The following SMAD2 variants were observed in gnomAD, a reference collection of about 807,000 sequenced individuals.
SMAD2 encodes the protein MAD homolog 2.
In SMAD2, 8 loss-of-function variants were observed where a neutral mutation model predicts 64.4. The ratio of observed to expected loss-of-function variants is 0.12; its 90% CI spans 0.07 to 0.22. The LOEUF is 0.22. Among genes scored for constraint, SMAD2 ranks in the 10% least tolerant of loss-of-function variants. The pLI is 1.00. For missense variants in SMAD2, 289 were observed against 561.2 expected (o/e 0.51, Z 4.90); for synonymous variants, 203 against 195.8 (o/e 1.04, Z -0.31).
At chr18:47,927,227 G>C (rs142434533) in intron 1 of SMAD2, among the ~76,000 whole-genome samples, 1 of 152,174 alleles carries the variant, frequency 6.6e-6, no homozygotes, top group African/African-American at 2.4e-5. Flanking sequence ...ACATGTTTCT[G>C]AAAGACTGGC....
rs1287748398 is a variant in SMAD2 at position 47,832,422 on chromosome 18, A to G, written c.*9405T>C. On this transcript the variant is annotated 3_prime_UTR_variant, in exon 11 of 11. Coordinates refer to ENST00000262160, the MANE Select transcript of SMAD2 (RefSeq NM_005901.6). ...TTTCTTGGGTTTCTTCCTAATAAAA[A>G]AGTGTTGATAAAACTACACCAGTCC... 3 of 152,196 alleles carry G rather than the reference A, an allele frequency of 2.0e-5. No homozygotes were observed. The highest frequency in any genetic ancestry group is 7.2e-5 in the African/African-American group (3 of 41,452). 9.4% of individuals were successfully genotyped at this position (152,196 alleles called of 1,614,324 possible). A position where few individuals can be genotyped will look rare whatever the true frequency, so the allele number is the denominator to read the frequency against.
intron 1 of SMAD2, among the ~76,000 whole-genome samples, chr18:47,921,123 C>G (rs1326182809): frequency 6.6e-6 from 1 of 152,168 alleles, no homozygotes; most frequent in Non-Finnish European, 1.5e-5. Flanking sequence ...CACCACTGCA[C>G]TCCAGCCTGG....
chr18:47,854,021 G>A (rs2030414714), intron 6 of SMAD2, among the ~76,000 whole-genome samples: 1 of 151,298 alleles, frequency 6.6e-6, no homozygotes, highest in Non-Finnish European at 1.5e-5. Flanking sequence ...TGACAGGTTA[G>A]AATTACAGAT....
chr18:47,890,589 A>G (rs1307723869), intron 2 of SMAD2, among the ~76,000 whole-genome samples: 1 of 152,212 alleles, frequency 6.6e-6, no homozygotes, highest in Non-Finnish European at 1.5e-5. Flanking sequence ...CTGTGAAAGT[A>G]CTCAGATAGC....
chr18:47,865,042 A>G lies in SMAD2; in HGVS notation c.730+17T>C. The G allele has an allele frequency of 6.7e-7, 1 of 1,487,290 alleles. No individual in the cohort carries two copies. The highest frequency in any genetic ancestry group is 9.4e-7 in the Non-Finnish European group (1 of 1,066,538). 92.1% of individuals were successfully genotyped at this position (1,487,290 alleles called of 1,614,324 possible). A position where few individuals can be genotyped will look rare whatever the true frequency, so the allele number is the denominator to read the frequency against. On this transcript the variant is annotated intron_variant, in intron 6 of 10. Coordinates refer to ENST00000262160, the MANE Select transcript of SMAD2 (RefSeq NM_005901.6). ...TATATCTAATAACTGAGGAATTTTCAAAGACATTTTTTTTACCTGTGTCCA... is the reference window on the plus strand; with the variant it reads ...TATATCTAATAACTGAGGAATTTTCGAAGACATTTTTTTTACCTGTGTCCA...
chr18:47,886,570 C>CATCTATCTATCTATCTATCTATCT (rs5824712), intron 2 of SMAD2, among the ~76,000 whole-genome samples: 2 of 146,704 alleles, frequency 1.4e-5, no homozygotes, highest in African/African-American at 2.6e-5. Flanking sequence ...TATATCTATC[C>CATCTATCTATCTATCTATCTATCT]ATCTATCTAT....
chr18:47,917,641 GAGAGTTATTGGTAAAAA>G (rs2034388509), intron 1 of SMAD2, among the ~76,000 whole-genome samples: 1 of 151,856 alleles, frequency 6.6e-6, no homozygotes, highest in Non-Finnish European at 1.5e-5. Flanking sequence ...AATTCTTTTG[GAGAGTTATTGGTAAAAA>G]AATTTTTAAT....
chr18:47,892,208 T>C (rs56373724), intron 2 of SMAD2, among the ~76,000 whole-genome samples: 26 of 83,374 alleles, frequency 3.1e-4, no homozygotes, highest in Admixed American at 1.8e-3. Context: ...ATTTTTTTTT[T>C]TTTTTTTTTT....
At chr18:47,878,445 A>G (rs1225892387) in intron 2 of SMAD2, 4 of 152,198 alleles carry the variant, frequency 2.6e-5, no homozygotes, top group Non-Finnish European at 5.9e-5. Flanking sequence ...CCTGTGCAAC[A>G]AAGTGAGACC....
intron 1 of SMAD2, among the ~76,000 whole-genome samples, chr18:47,908,489 G>A (rs1279885206): frequency 6.6e-6 from 1 of 151,638 alleles, no homozygotes; most frequent in Non-Finnish European, 1.5e-5. Context: ...TAAGAAAAAG[G>A]TATGTTATAA....
chr18:47,914,088 T>C (rs568423036), intron 1 of SMAD2, among the ~76,000 whole-genome samples: 2 of 152,226 alleles, frequency 1.3e-5, no homozygotes, highest in African/African-American at 2.4e-5. Flanking sequence ...GTTTGACAAA[T>C]AGCATTCTCT....
chr18:47,888,219 A>AT (rs1012377318), intron 2 of SMAD2, among the ~76,000 whole-genome samples: 6 of 152,206 alleles, frequency 3.9e-5, no homozygotes, highest in Non-Finnish European at 8.8e-5. Flanking sequence ...AACTTGCTCA[A>AT]AAGACAATGG....
rs115382647 is a variant in SMAD2, at chr18:47,887,646, T to C, written c.236+8875A>G. 6.8e-4 allele frequency among the ~76,000 whole-genome samples: 103 copies of C among 152,324 alleles called. 1 individual carries two copies. Among genetic ancestry groups the C allele is most frequent in the Admixed American group, 1.8e-3 (27 of 15,302 alleles). ...GTCCATGGGGGTAATTCTTCCACCT[T>C]TGACCCATCAAACTCTGACAAAGTG... On this transcript the variant is annotated intron_variant, in intron 2 of 10. Coordinates refer to ENST00000262160, the MANE Select transcript of SMAD2 (RefSeq NM_005901.6).
chr18:47,921,636 C>CT (rs552687601), intron 1 of SMAD2, among the ~76,000 whole-genome samples: 5 of 152,134 alleles, frequency 3.3e-5, no homozygotes, highest in Non-Finnish European at 7.4e-5. Context: ...TACCAGAACA[C>CT]TTTTCATTTT....
chr18:47,855,509 C>A (rs1379675776), intron 6 of SMAD2, among the ~76,000 whole-genome samples: 5 of 152,198 alleles, frequency 3.3e-5, no homozygotes, highest in African/African-American at 1.2e-4. Context: ...TGCTCCCCAT[C>A]CTCACCACAC....
Position 47,850,247 on chromosome 18 carries a change from TATATATATTATGTATA to T in SMAD2, c.784+1011_784+1026del, listed in dbSNP as rs1359112588. ...ATAATATATATTATATATTATATAT[TATATATATTATGTATA>T]ATATATATTATATATTATATATATT... On this transcript the variant is annotated intron_variant, in intron 7 of 10. Coordinates refer to ENST00000262160, the MANE Select transcript of SMAD2 (RefSeq NM_005901.6). Among the ~76,000 whole-genome samples, 19 of 69,736 alleles carry T rather than the reference TATATATATTATGTATA, an allele frequency of 2.7e-4. 4 individuals carry two copies. Among genetic ancestry groups the T allele is most frequent in the African/African-American group, 1.3e-3 (19 of 14,758 alleles). 45.7% of individuals were successfully genotyped at this position (69,736 alleles called of 152,430 possible).
chr18:47,822,249 T>C lies in SMAD2; in HGVS notation c.*19578A>G, dbSNP rs1206185348. The C allele has an allele frequency of 2.0e-5, 3 of 152,256 alleles. No individual in the cohort carries two copies. Among genetic ancestry groups the C allele is most frequent in the Admixed American group, 1.3e-4 (2 of 15,284 alleles). 9.4% of individuals were successfully genotyped at this position (152,256 alleles called of 1,614,324 possible). On this transcript the variant is annotated 3_prime_UTR_variant, in exon 11 of 11. Transcript: ENST00000262160. ...TATTTCTGGTTATGGTAAACTCTCA[T>C]CAGATTTTTAATCATGGTTATTCTA...
rs1912329618 is a variant in SMAD2, at chr18:47,815,254, C to T, written c.*26573G>A. ...TGATTGGCAAGTTTAAGGCCATCCA[C>T]CTCGTCCCACACCTTCCCAAAACCA... On this transcript the variant is annotated 3_prime_UTR_variant, in exon 11 of 11. Transcript: ENST00000262160. 1 of 152,220 alleles carries T rather than the reference C, an allele frequency of 6.6e-6. No individual in the cohort carries two copies. Among genetic ancestry groups the T allele is most frequent in the Non-Finnish European group, 1.5e-5 (1 of 68,032 alleles). The allele number at this position is 152,220 out of a possible 1,614,324, so 9.4% of individuals were successfully genotyped here.
In SMAD2 at chr18:47,820,367, CA is replaced by C. The variant is rs1015349343; in HGVS notation, c.*21459del. On this transcript the variant is annotated 3_prime_UTR_variant, in exon 11 of 11. Coordinates refer to ENST00000262160, the MANE Select transcript of SMAD2 (RefSeq NM_005901.6). ...CACAATTCCATATACAAAGTGTACC[CA>C]AAAAAAGATGTTTTGATGAGAAAAG... 4 of 151,828 alleles carry C rather than the reference CA, an allele frequency of 2.6e-5. No individual in the cohort carries two copies. The allele number at this position is 151,828 out of a possible 1,614,324, so 9.4% of individuals were successfully genotyped here. A position where few individuals can be genotyped will look rare whatever the true frequency, so the allele number is the denominator to read the frequency against.
Sources: gnomAD v4.1 joint callset for allele counts (sites outside exome capture counted in the v4.1 genomes callset) on GRCh38, gnomAD v4.1.1 for gene constraint, MANE v1.5 for transcripts, NCBI Gene and HGNC (gene_info 2026-07-23, HGNC 2026-07-21) for gene names.